The following WDR90 variants were observed in gnomAD, a reference collection of about 807,000 sequenced individuals.
WDR90 encodes WD repeat domain 90.
A neutral mutation model predicts 195.2 loss-of-function variants in WDR90; 238 were observed. The ratio of observed to expected loss-of-function variants is 1.22; its 90% CI spans 1.10 to 1.36. The LOEUF is 1.36. WDR90 is among the 40% of genes most tolerant of loss of function. The pLI is 0.00. For missense variants in WDR90, 2,734 were observed against 2,439.5 expected (o/e 1.12, Z -2.54); for synonymous variants, 1,265 against 1,052.4 (o/e 1.20, Z -3.91).
rs1280793207 is a variant in WDR90, at chr16:661,599, G to A, written c.3676G>A (p.Asp1226Asn). The change falls in exon 31 of 41, where the codon GAC becomes AAC. Residue 1226 changes from aspartate (D) to asparagine (N), a missense_variant and splice_region_variant. Coordinates refer to ENST00000293879, the MANE Select transcript of WDR90 (RefSeq NM_145294.5). Reference protein sequence around the residue: ...PDDRLLVTLGDHDGRTLALWG... With the variant: ...PDDRLLVTLGNHDGRTLALWG... ...TGGCTGCTCTGTGTCCTTCCCAGGG[G>A]ACCACGATGGCCGCACCCTCGCCCT... is the stretch of plus-strand genomic sequence containing the variant. The A allele has an allele frequency of 5.7e-6, 9 of 1,587,842 alleles. No individual in the cohort carries two copies. The highest frequency in any genetic ancestry group is 1.7e-4 in the Middle Eastern group (1 of 5,976).
intron 34 of WDR90, among the ~76,000 whole-genome samples, chr16:664,674 G>A (rs1181082752): frequency 6.6e-6 from 1 of 151,568 alleles, no homozygotes; most frequent in Non-Finnish European, 1.5e-5. Context: ...TCATTGCTCA[G>A]CTGAACTGAA....
At chr16:652,242 C>T in intron 9 of WDR90, 1 of 802,160 alleles carries the variant, frequency 1.2e-6, no homozygotes, top group Non-Finnish European at 1.9e-6. Context: ...TCTGCTCACC[C>T]CCAATGCGTC....
chr16:653,424 G>T lies in WDR90; in HGVS notation c.1206G>T (p.Gln402His), dbSNP rs758675788. The change falls in exon 11 of 41, where the codon CAG becomes CAT. Residue 402 changes from glutamine (Q) to histidine (H), a missense_variant. Coordinates refer to ENST00000293879, the MANE Select transcript of WDR90 (RefSeq NM_145294.5). ...TCCTGCTCGTGGACACGGGGGAGCA[G>T]CGCTTCTTCCTTGGCCACACAGACA... ...IVVLLVDTGEQRFFLGHTDKV... is the reference protein window; with the variant it reads ...IVVLLVDTGEHRFFLGHTDKV... 1 of 1,611,762 alleles carries T rather than the reference G, an allele frequency of 6.2e-7. No individual in the cohort carries two copies. The highest frequency in any genetic ancestry group is 1.3e-5 in the African/African-American group (1 of 74,862).
rs758191798 is a variant in WDR90, at chr16:667,470, G to A, written c.5128G>A (p.Ala1710Thr). The change falls in exon 41 of 41, where the codon GCC becomes ACC. Residue 1710 changes from alanine to threonine, a missense_variant. Physicochemically the swap from Ala to Thr is moderately conservative, Grantham distance 58. Coordinates refer to ENST00000293879, the MANE Select transcript of WDR90 (RefSeq NM_145294.5). ...LRLVDCAMGT[A>T]QDFAGHDNAV... ...GCTGGTAGACTGTGCCATGGGGACT[G>A]CCCAAGACTTTGCCGGCCACGACAA... 1 of 1,609,762 alleles carries A rather than the reference G, an allele frequency of 6.2e-7. No homozygotes were observed. Among genetic ancestry groups the A allele is most frequent in the South Asian group, 1.1e-5 (1 of 91,020 alleles).
intron 10 of WDR90, 89 bp from the exon 11 acceptor site, chr16:653,252 G>A: frequency 9.0e-7 from 1 of 1,116,360 alleles, no homozygotes; most frequent in Non-Finnish European, 1.2e-6. Context: ...CCTCTCCCTG[G>A]GCTGGAGTGG....
Position 651,638 on chromosome 16 carries a change from T to C in WDR90, c.737-6T>C. The C allele has an allele frequency of 6.2e-7, 1 of 1,612,138 alleles. No individual in the cohort carries two copies. The highest frequency in any genetic ancestry group is 8.5e-7 in the Non-Finnish European group (1 of 1,179,876). On this transcript the variant is annotated splice_polypyrimidine_tract_variant and splice_region_variant and intron_variant, in intron 7 of 40. Coordinates refer to ENST00000293879, the MANE Select transcript of WDR90 (RefSeq NM_145294.5). The stretch of plus-strand genomic sequence containing the variant: ...TGGGTCACTGGGGTTCTTTGCTCTG[T>C]TCTAGTCCTCCTGGGGCCGGGGCCA...
chr16:660,999 C>CG, intron 28 of WDR90, 52 bp from the exon 29 acceptor site: 1 of 72,370 alleles, frequency 1.4e-5, no homozygotes, highest in Non-Finnish European at 2.0e-5. Context: ...GGCCCCTCCC[C>CG]GCCCCCCCCC....
rs755013278 is a variant in WDR90 at position 650,737 on chromosome 16, C to G, written c.559+28C>G. 1.3e-5 allele frequency: 20 copies of G among 1,595,544 alleles called. No homozygotes were observed. The Admixed American group carries it at 2.7e-4, about 21-fold the overall frequency. ...GAGGGCCGCACCTGCACTCCCCACT[C>G]CATATCTCACCCATGCTCTCAGCCC... On this transcript the variant is annotated intron_variant, in intron 5 of 40. Transcript: ENST00000293879.
chr16:656,549 C>T lies in WDR90; in HGVS notation c.2202+12C>T, dbSNP rs1399916491. 2.6e-6 allele frequency: 4 copies of T among 1,563,810 alleles called. No homozygotes were observed. The highest frequency in any genetic ancestry group is 1.4e-5 in the African/African-American group (1 of 74,000). ...CCACCCTGCAGCAGGTGGGGTTTGG[C>T]AGGGGCAGCACGGCAGGGAGGGCCG... is the stretch of plus-strand genomic sequence containing the variant. On this transcript the variant is annotated intron_variant, in intron 18 of 40. Coordinates refer to ENST00000293879, the MANE Select transcript of WDR90 (RefSeq NM_145294.5).
In WDR90 at chr16:656,144, G is replaced by C. The variant is rs1331943222; in HGVS notation, c.1967-158G>C. The C allele has an allele frequency of 3.8e-6, 3 of 794,206 alleles. No individual in the cohort carries two copies. In the East Asian group the frequency reaches 8.1e-5, roughly 21 times the overall value. 49.2% of individuals were successfully genotyped at this position (794,206 alleles called of 1,614,324 possible). On this transcript the variant is annotated intron_variant, in intron 17 of 40. Transcript: ENST00000293879. ...TCAGCCTGGGTCCCGCCTAGCCTAA[G>C]AGTGGTGGCCTCGAGGGAGCTGCAT...
intron 12 of WDR90, 35 bp downstream of exon 12, chr16:653,705 G>A (rs373951032): frequency 2.7e-5 from 44 of 1,613,108 alleles, no homozygotes; most frequent in Non-Finnish European, 3.5e-5. Context: ...GGGGGAGGGG[G>A]TCAGCCCAGG....
In WDR90 at chr16:661,639, C is replaced by G; in HGVS notation, c.3716C>G (p.Thr1239Ser). The G allele has an allele frequency of 6.2e-7, 1 of 1,607,896 alleles. No individual in the cohort carries two copies. The highest frequency in any genetic ancestry group is 1.3e-5 in the African/African-American group (1 of 74,944). The change falls in exon 31 of 41, where the codon ACC becomes AGC. Residue 1239 changes from threonine (T) to serine (S), a missense_variant. Coordinates refer to ENST00000293879, the MANE Select transcript of WDR90 (RefSeq NM_145294.5). Reference sequence around the variant, plus strand: ...ACCCTCGCCCTGTGGGGCACGGCCACCTATGACCTCGTGTCCTCCACCCGC... The same window carrying G: ...ACCCTCGCCCTGTGGGGCACGGCCAGCTATGACCTCGTGTCCTCCACCCGC... ...GRTLALWGTA[T>S]YDLVSSTRLP...
intron 26 of WDR90, 125 bp downstream of exon 26, chr16:659,501 G>A (rs2037845593): frequency 1.5e-6 from 2 of 1,317,760 alleles, no homozygotes; most frequent in Non-Finnish European, 2.1e-6. Context: ...CTCATCAGGT[G>A]GAACACAGTG....
rs534750807 is a variant in WDR90 at position 654,817 on chromosome 16, T to C, written c.1438-212T>C. The C allele has an allele frequency of 3.4e-4, 201 of 587,282 alleles. No individual in the cohort carries two copies. In the South Asian group the frequency reaches 4.0e-3, roughly 12 times the overall value. The allele number at this position is 587,282 out of a possible 1,614,324, so 36.4% of individuals were successfully genotyped here. A position where few individuals can be genotyped will look rare whatever the true frequency, so the allele number is the denominator to read the frequency against. On this transcript the variant is annotated intron_variant, in intron 13 of 40. Transcript: ENST00000293879. ...GTACTTCTCTGCGAATGGGTTGCAG[T>C]GCTCAGCATTGCGGGTCTCTGTAGA...
chr16:651,535 C>T (rs2151163374), intron 7 of WDR90, 109 bp from the exon 8 acceptor site: 4 of 1,136,344 alleles, frequency 3.5e-6, no homozygotes, highest in Non-Finnish European at 5.1e-6. Flanking sequence ...GTGGGTCCTG[C>T]AGAGCCGGTG....
chr16:653,704 G>A (rs1424159350), intron 12 of WDR90, 34 bp downstream of exon 12: 4 of 1,613,088 alleles, frequency 2.5e-6, no homozygotes, highest in East Asian at 2.2e-5. Context: ...AGGGGGAGGG[G>A]GTCAGCCCAG....
chr16:661,863 A>AC, intron 31 of WDR90, 28 bp from the exon 32 acceptor site: 1 of 1,597,852 alleles, frequency 6.3e-7, no homozygotes, highest in Non-Finnish European at 8.6e-7. Flanking sequence ...GACACTGCTG[A>AC]CCCATGGCCA....
chr16:652,010 G>T lies in WDR90; in HGVS notation c.1024G>T (p.Val342Leu). The change falls in exon 9 of 41, where the codon GTG (valine) becomes TTG (leucine). Residue 342 changes from valine to leucine, a missense_variant. Transcript: ENST00000293879. ...THVLTHESAE[V>L]PVARTGSCEG... ...CGTGTTGACTCACGAGTCGGCTGAGGTGCCCGTGGCCCGCACCGGCTCCTG... is the reference window on the plus strand; with the variant it reads ...CGTGTTGACTCACGAGTCGGCTGAGTTGCCCGTGGCCCGCACCGGCTCCTG... The T allele has an allele frequency of 6.2e-7, 1 of 1,602,954 alleles. No individual in the cohort carries two copies.
At chr16:665,852 G>T (rs763623734) in intron 35 of WDR90, 51 bp downstream of exon 35, 4 of 1,553,192 alleles carry the variant, frequency 2.6e-6, no homozygotes, top group South Asian at 2.4e-5. Flanking sequence ...TGCTCAGTGG[G>T]GGGCCTGGCA....
Sources: gnomAD v4.1 joint callset for allele counts (sites outside exome capture counted in the v4.1 genomes callset) on GRCh38, gnomAD v4.1.1 for gene constraint, MANE v1.5 for transcripts, NCBI Gene and HGNC (gene_info 2026-07-23, HGNC 2026-07-21) for gene names.